Variants in SGCD observed in about 807,000 individuals in gnomAD.
SGCD encodes sarcoglycan delta.
A neutral mutation model predicts 36.6 loss-of-function variants in SGCD; 18 were observed. The ratio of observed to expected loss-of-function variants is 0.49; its 90% CI spans 0.34 to 0.73. The LOEUF (loss-of-function observed/expected upper bound fraction) is 0.73. Among genes scored for constraint, SGCD ranks in the 30% least tolerant of loss-of-function variants. SGCD has a pLI of 0.01. For missense variants in SGCD, 387 were observed against 346.7 expected (o/e 1.12, Z -0.92); for synonymous variants, 133 against 130.6 (o/e 1.02, Z -0.12).
chr5:156,185,835 A>G (rs1298977102), intron 3 of SGCD, among the ~76,000 whole-genome samples: 1 of 9,586 alleles, frequency 1.0e-4, no homozygotes, highest in East Asian at 7.6e-3. Flanking sequence ...GTGTGTGTGT[A>G]TATATATATA....
At chr5:156,307,888 G>A (rs1435893639) in intron 3 of SGCD, among the ~76,000 whole-genome samples, 1 of 151,266 alleles carries the variant, frequency 6.6e-6, no homozygotes, top group African/African-American at 2.5e-5. Context: ...ATCTTTTAAT[G>A]CGTTAGTCTA....
intron 8 of SGCD, chr5:156,758,040 C>T: frequency 9.4e-7 from 1 of 1,059,406 alleles, no homozygotes. Context: ...ATATATTATA[C>T]ACATCTGGCT....
At chr5:156,694,226 G>C (rs985979491) in intron 7 of SGCD, among the ~76,000 whole-genome samples, 4 of 152,174 alleles carry the variant, frequency 2.6e-5, no homozygotes, top group African/African-American at 9.7e-5. Flanking sequence ...TTCTCACCCA[G>C]GTCACTGTAA....
chr5:156,072,274 G>T (rs912509303), intron 1 of SGCD, among the ~76,000 whole-genome samples: 16 of 152,146 alleles, frequency 1.1e-4, no homozygotes, highest in African/African-American at 3.6e-4. Context: ...GGTACCAGTT[G>T]TTCCTTTCCA....
At chr5:155,826,162 A>C in the SGCD span, among the ~76,000 whole-genome samples, 1 of 152,124 alleles carries the variant, frequency 6.6e-6, no homozygotes, top group African/African-American at 2.4e-5. Flanking sequence ...AAATAACCCA[A>C]ATCTGCCTAT....
intron 3 of SGCD, among the ~76,000 whole-genome samples, chr5:156,292,324 C>T (rs954584184): frequency 1.3e-5 from 2 of 152,054 alleles, no homozygotes; most frequent in Non-Finnish European, 2.9e-5. Context: ...TACTTTTTAT[C>T]GCTATAATTT....
intron 3 of SGCD, among the ~76,000 whole-genome samples, chr5:156,195,607 AT>A (rs1561560394): frequency 2.0e-5 from 3 of 151,806 alleles, no homozygotes; most frequent in East Asian, 1.9e-4. Context: ...ATGCTTTTTG[AT>A]TTTTTTCTAT....
At chr5:156,252,743 T>TC (rs1765615382) in intron 3 of SGCD, among the ~76,000 whole-genome samples, 1 of 152,200 alleles carries the variant, frequency 6.6e-6, no homozygotes, top group African/African-American at 2.4e-5. Context: ...TCATGTGAAG[T>TC]CTTAGTTTAA....
At chr5:155,829,419 G>A in the SGCD span, among the ~76,000 whole-genome samples, 11 of 152,214 alleles carry the variant, frequency 7.2e-5, no homozygotes, top group Admixed American at 2.6e-4. Context: ...CTTGAAAATA[G>A]CTGATTCCTG....
chr5:156,680,126 G>A (rs1319974832), intron 7 of SGCD, among the ~76,000 whole-genome samples: 3 of 152,126 alleles, frequency 2.0e-5, no homozygotes, highest in Admixed American at 6.6e-5. Context: ...ATTAATAATA[G>A]GAGTTGAAGA....
At chr5:156,734,552 A>G (rs956706236) in intron 7 of SGCD, among the ~76,000 whole-genome samples, 5 of 152,008 alleles carry the variant, frequency 3.3e-5, no homozygotes, top group Non-Finnish European at 4.4e-5. Flanking sequence ...ACATTATCCC[A>G]TATTTCTCAG....
At chr5:155,830,292 CT>C in the SGCD span, among the ~76,000 whole-genome samples, 1 of 152,138 alleles carries the variant, frequency 6.6e-6, no homozygotes, top group Non-Finnish European at 1.5e-5. Context: ...CAGAATACTA[CT>C]TTTTTGCAGT....
chr5:156,160,707 T>C (rs1763066801), intron 3 of SGCD, among the ~76,000 whole-genome samples: 1 of 150,256 alleles, frequency 6.7e-6, no homozygotes, highest in Admixed American at 6.6e-5. Flanking sequence ...TTGATTTAAG[T>C]TTCTGATTTT....
At chr5:156,483,974 A>G (rs562448620) in intron 3 of SGCD, among the ~76,000 whole-genome samples, 7 of 152,224 alleles carry the variant, frequency 4.6e-5, no homozygotes, top group East Asian at 1.9e-4. Flanking sequence ...GTTAATCTGC[A>G]GCAGCAGAAG....
chr5:156,057,460 C>G (rs1260415592), intron 1 of SGCD, among the ~76,000 whole-genome samples: 1 of 146,342 alleles, frequency 6.8e-6, no homozygotes, highest in African/African-American at 2.5e-5. Flanking sequence ...AAATCATGAC[C>G]TGAATTTGAT....
At chr5:155,905,503 C>T (rs1337211044) in intron 1 of SGCD, among the ~76,000 whole-genome samples, 3 of 152,124 alleles carry the variant, frequency 2.0e-5, no homozygotes, top group African/African-American at 7.2e-5. Context: ...CTGAGCCTGG[C>T]ACTGTGAAGC....
chr5:156,717,517 T>C (rs1249249960), intron 7 of SGCD, among the ~76,000 whole-genome samples: 6 of 152,208 alleles, frequency 3.9e-5, no homozygotes, highest in Non-Finnish European at 5.9e-5. Flanking sequence ...TTCTGATGCT[T>C]TGACATCATG....
At chr5:156,352,352 G>T (rs1216085634) in intron 3 of SGCD, among the ~76,000 whole-genome samples, 1 of 152,184 alleles carries the variant, frequency 6.6e-6, no homozygotes, top group Non-Finnish European at 1.5e-5. Flanking sequence ...AAAGTTTTCT[G>T]ACCAGCTTGA....
At chr5:155,883,481 A>T (rs1277668348) in intron 1 of SGCD, among the ~76,000 whole-genome samples, 2 of 152,128 alleles carry the variant, frequency 1.3e-5, no homozygotes, top group Non-Finnish European at 2.9e-5. Flanking sequence ...AATTGGCCTA[A>T]TTTCAGTAGT....
Sources: allele counts gnomAD v4.1 joint callset (sites outside exome capture counted in the v4.1 genomes callset), GRCh38; gene constraint gnomAD v4.1.1; transcripts MANE v1.5; gene names NCBI Gene and HGNC (gene_info 2026-07-23, HGNC 2026-07-21).